Variants in PDE4B observed in about 807,000 individuals in gnomAD.
PDE4B encodes phosphodiesterase 4B.
PDE4B carries 20 observed loss-of-function variants against 82.2 expected under a neutral mutation model. The observed-to-expected ratio is 0.24, with a 90% CI of 0.17 to 0.35. PDE4B has a LOEUF of 0.35. PDE4B is among the 10% of genes least tolerant of loss of function. The pLI is 1.00. For synonymous variants in PDE4B, 320 were observed against 318.9 expected, an observed-to-expected ratio of 1.00 and a Z score of -0.04; for missense variants, 655 against 907.2, an observed-to-expected ratio of 0.72 and a Z score of 3.57.
intron 3 of PDE4B, among the ~76,000 whole-genome samples, chr1:66,230,822 C>G (rs1374634510): frequency 6.6e-6 from 1 of 152,046 alleles, no homozygotes; most frequent in Non-Finnish European, 1.5e-5. Flanking sequence ...CCAAGGAGGG[C>G]AGATCACGAG....
intron 3 of PDE4B, among the ~76,000 whole-genome samples, chr1:65,958,343 A>G (rs1279290264): frequency 1.3e-5 from 2 of 152,024 alleles, no homozygotes; most frequent in East Asian, 3.8e-4. Flanking sequence ...ATATATTATT[A>G]TGGTTTTAAA....
chr1:66,092,336 GC>G (rs1179688138), intron 3 of PDE4B, among the ~76,000 whole-genome samples: 1 of 151,946 alleles, frequency 6.6e-6, no homozygotes, highest in Non-Finnish European at 1.5e-5. Context: ...AGTTCCTACA[GC>G]ATACAGTATA....
chr1:66,190,012 G>A (rs1270364828), intron 3 of PDE4B, among the ~76,000 whole-genome samples: 7 of 152,096 alleles, frequency 4.6e-5, no homozygotes, highest in African/African-American at 1.4e-4. Flanking sequence ...ATGGGGTTTT[G>A]GTGTGGATGT....
chr1:65,855,992 C>A (rs932939483), intron 1 of PDE4B, among the ~76,000 whole-genome samples: 2 of 152,024 alleles, frequency 1.3e-5, no homozygotes, highest in African/African-American at 4.8e-5. Context: ...CAGTGGGAGA[C>A]TACATGTGGG....
At chr1:66,181,049 G>T (rs745946015) in intron 3 of PDE4B, among the ~76,000 whole-genome samples, 2 of 152,182 alleles carry the variant, frequency 1.3e-5, no homozygotes, top group African/African-American at 2.4e-5. Flanking sequence ...GTACAAATCT[G>T]CATGTAACAG....
At chr1:66,154,886 G>A (rs185196403) in intron 3 of PDE4B, among the ~76,000 whole-genome samples, 1 of 152,278 alleles carries the variant, frequency 6.6e-6, no homozygotes, top group East Asian at 1.9e-4. Context: ...TAATAGGATG[G>A]GAACTATAAA....
intron 3 of PDE4B, among the ~76,000 whole-genome samples, chr1:66,023,626 T>G (rs536525027): frequency 3.3e-5 from 5 of 152,232 alleles, no homozygotes; most frequent in African/African-American, 1.2e-4. Flanking sequence ...GTTAACAACA[T>G]TCTATTGATT....
intron 3 of PDE4B, among the ~76,000 whole-genome samples, chr1:65,952,041 C>A (rs1278236018): frequency 6.6e-6 from 1 of 152,002 alleles, no homozygotes; most frequent in Non-Finnish European, 1.5e-5. Flanking sequence ...AAAGTGTAGT[C>A]CGCACGTCAG....
intron 3 of PDE4B, among the ~76,000 whole-genome samples, chr1:66,045,403 C>A (rs922498954): frequency 2.0e-5 from 3 of 151,646 alleles, no homozygotes; most frequent in Admixed American, 1.3e-4. Flanking sequence ...GAGAAGGCAC[C>A]CTTAACTCAA....
At chr1:66,073,039 C>T (rs1463573826) in intron 3 of PDE4B, among the ~76,000 whole-genome samples, 2 of 151,276 alleles carry the variant, frequency 1.3e-5, no homozygotes, top group Non-Finnish European at 2.9e-5. Context: ...TACATTCAGC[C>T]AGTTCCTTAT....
At chr1:65,895,932 A>AAATAAT (rs58207336) in intron 1 of PDE4B, among the ~76,000 whole-genome samples, 14,702 of 143,526 alleles carry the variant, frequency 0.1, 834 homozygotes, top group East Asian at 0.18. Flanking sequence ...ATGAAAAAGA[A>AAATAAT]AATAATAATA....
intron 3 of PDE4B, among the ~76,000 whole-genome samples, chr1:66,106,679 G>A (rs1645365767): frequency 1.3e-5 from 2 of 152,206 alleles, no homozygotes; most frequent in Middle Eastern, 3.4e-3. Context: ...GGGCGTATGT[G>A]TTGAGAAATT....
intron 8 of PDE4B, among the ~76,000 whole-genome samples, chr1:66,340,003 G>A (rs574988462): frequency 6.6e-6 from 1 of 152,266 alleles, no homozygotes; most frequent in South Asian, 2.1e-4. Context: ...TCAACAAGTG[G>A]AGATAGCTCA....
At chr1:66,248,020 G>T (rs1653464458) in intron 4 of PDE4B, among the ~76,000 whole-genome samples, 1 of 152,164 alleles carries the variant, frequency 6.6e-6, no homozygotes, top group African/African-American at 2.4e-5. Context: ...GTTTTCATGA[G>T]GCTCCAGCAA....
At chr1:66,350,194 A>G (rs997301076) in intron 8 of PDE4B, among the ~76,000 whole-genome samples, 8 of 152,054 alleles carry the variant, frequency 5.3e-5, no homozygotes, top group African/African-American at 1.9e-4. Context: ...CAAAGTATAA[A>G]ACATGAGTCA....
At chr1:65,798,125 C>T (rs954705222) in intron 1 of PDE4B, among the ~76,000 whole-genome samples, 28 of 151,782 alleles carry the variant, frequency 1.8e-4, no homozygotes, top group Non-Finnish European at 3.8e-4. Context: ...TCAAGCAATT[C>T]TTCTGCCTCA....
intron 8 of PDE4B, among the ~76,000 whole-genome samples, chr1:66,352,886 T>C (rs1030209319): frequency 7.2e-5 from 11 of 152,152 alleles, no homozygotes; most frequent in African/African-American, 1.4e-4. Context: ...AATGAGACAA[T>C]TGTTTGAATG....
chr1:66,262,463 C>T (rs1654753941), intron 6 of PDE4B, among the ~76,000 whole-genome samples: 1 of 152,210 alleles, frequency 6.6e-6, no homozygotes, highest in Non-Finnish European at 1.5e-5. Context: ...GTTCTGTCTC[C>T]ACTGTGCTAT....
At chr1:65,796,640 C>T (rs1645634547) in intron 1 of PDE4B, among the ~76,000 whole-genome samples, 1 of 134,984 alleles carries the variant, frequency 7.4e-6, no homozygotes, top group African/African-American at 2.7e-5. Flanking sequence ...TATTTGCTTG[C>T]TGAAACTTTT....
Sources: gnomAD v4.1 joint callset for allele counts (sites outside exome capture counted in the v4.1 genomes callset) on GRCh38, gnomAD v4.1.1 for gene constraint, MANE v1.5 for transcripts, NCBI Gene and HGNC (gene_info 2026-07-23, HGNC 2026-07-21) for gene names.